KCNA3: variants seen among roughly 807,000 people sequenced by gnomAD.
The protein encoded by KCNA3 is RP11-284N8.3.
In KCNA3, 18 loss-of-function variants were observed where a neutral mutation model predicts 34.3. The ratio of observed to expected loss-of-function variants is 0.52; its 90% CI spans 0.36 to 0.78. The LOEUF (loss-of-function observed/expected upper bound fraction) is 0.78, where lower values mean the gene tolerates loss of function less well. KCNA3 is among the 30% of genes least tolerant of loss of function. The pLI, the probability that KCNA3 is intolerant of heterozygous loss-of-function variation, is 0.00. For missense variants in KCNA3, 587 were observed against 802.5 expected (o/e 0.73, Z 3.24); for synonymous variants, 324 against 351.7 (o/e 0.92, Z 0.88).
chr1:110,674,266 C>T lies in KCNA3; in HGVS notation c.544G>A (p.Glu182Lys), dbSNP rs778776863. ...CCCAGCTGGTAGAAGCGGATCTCCT[C>T]GGAGAAAATGTCGATGGGCACGTTG... ...PVNVPIDIFS[E>K]EIRFYQLGEE... The change falls in exon 1 of 1, where the codon GAG becomes AAG. Residue 182 changes from glutamate to lysine, a missense_variant. Transcript: ENST00000369769. The surrounding 1 kb of genome is among the most constrained non-coding windows in gnomAD (Gnocchi z 6.4). 1 of 1,614,142 alleles carries T rather than the reference C, an allele frequency of 6.2e-7. No homozygotes were observed.
Position 110,674,583 on chromosome 1 carries a change from C to G in KCNA3, c.227G>C (p.Gly76Ala), listed in dbSNP as rs1251190366. The G allele has an allele frequency of 2.0e-5, 31 of 1,573,506 alleles. No homozygotes were observed. Among genetic ancestry groups the G allele is most frequent in the Non-Finnish European group, 2.6e-5 (30 of 1,162,646 alleles). ...GTCGCAGCCGCCGCCGCCACAGCCG[C>G]CTTGAGGCGGGGCCCCTCCACCATC... is the stretch of plus-strand genomic sequence containing the variant. ...VADGGGAPPQGGCGGGGCDRY... is the reference protein window; with the variant it reads ...VADGGGAPPQAGCGGGGCDRY... Residue 76 changes from glycine to alanine, a missense_variant, in exon 1 of 1, where the codon GGC becomes GCC. Physicochemically the swap from Gly to Ala is moderately conservative, Grantham distance 60 (BLOSUM62 0). Transcript: ENST00000369769. This position sits in a 1 kb window ranked among gnomAD's most constrained non-coding sequence, Gnocchi z 6.4.
At chr1:110,664,169 T>C in the KCNA3 span, among the ~76,000 whole-genome samples, 1 of 152,210 alleles carries the variant, frequency 6.6e-6, no homozygotes, top group Non-Finnish European at 1.5e-5. Context: ...TAGATAAGCC[T>C]TTTGTAGATA....
At chr1:110,671,162 G>C (rs2100947970), downstream of KCNA3, among the ~76,000 whole-genome samples, 1 of 152,202 alleles carries the variant, frequency 6.6e-6, no homozygotes, top group African/African-American at 2.4e-5. Context: ...CCTTTTTAAA[G>C]GGAAACAGGT....
chr1:110,674,897 C>A lies in KCNA3; in HGVS notation c.-88G>T. The A allele has an allele frequency of 7.9e-7, 1 of 1,267,768 alleles. No homozygotes were observed. Among genetic ancestry groups the A allele is most frequent in the South Asian group, 3.0e-5 (1 of 33,744 alleles). The allele number at this position is 1,267,768 out of a possible 1,614,324, so 78.5% of individuals were successfully genotyped here. A position where few individuals can be genotyped will look rare whatever the true frequency, so the allele number is the denominator to read the frequency against. On this transcript the variant is annotated 5_prime_UTR_variant, in exon 1 of 1. Coordinates refer to ENST00000369769, the MANE Select transcript of KCNA3 (RefSeq NM_002232.5). This position sits in a 1 kb window ranked among gnomAD's most constrained non-coding sequence, Gnocchi z 6.4. ...CGCCGCCTCCGCCCCCGAGCCGAGC[C>A]CACCGCCTGTTGCAGCCAAAGCCGC...
chr1:110,666,041 A>T, the KCNA3 span, among the ~76,000 whole-genome samples: 1 of 152,182 alleles, frequency 6.6e-6, no homozygotes, highest in Non-Finnish European at 1.5e-5. Flanking sequence ...GAAATTAATC[A>T]TATAACACAA....
Position 110,672,858 on chromosome 1 carries a change from G to C in KCNA3, c.*224C>G. Reference sequence around the variant, plus strand: ...CTGTTGTTTACAATGTTAAGAGAGAGAGGGTAAGAGGGAAAAGGAGAGCTG... The same window carrying C: ...CTGTTGTTTACAATGTTAAGAGAGACAGGGTAAGAGGGAAAAGGAGAGCTG... On this transcript the variant is annotated 3_prime_UTR_variant, in exon 1 of 1. Transcript: ENST00000369769. 1.9e-6 allele frequency: 1 copy of C among 524,890 alleles called. No individual in the cohort carries two copies. Among genetic ancestry groups the C allele is most frequent in the Non-Finnish European group, 3.4e-6 (1 of 297,198 alleles). The allele number at this position is 524,890 out of a possible 1,614,324, so 32.5% of individuals were successfully genotyped here.
At position 110,672,595 on chromosome 1, in the gene KCNA3, C is replaced by T. The variant is rs1272528478; in HGVS notation, c.*487G>A. The T allele has an allele frequency of 6.5e-6, 1 of 154,702 alleles. No individual in the cohort carries two copies. The highest frequency in any genetic ancestry group is 6.4e-5 in the Admixed American group (1 of 15,674). The allele number at this position is 154,702 out of a possible 1,614,324, so 9.6% of individuals were successfully genotyped here. On this transcript the variant is annotated 3_prime_UTR_variant, in exon 1 of 1. Transcript: ENST00000369769. ...TACAAGTCATTATTCTAGTTAGACT[C>T]TTCATCCACATATCTACAGGGTAGG...
downstream of KCNA3, among the ~76,000 whole-genome samples, chr1:110,670,160 C>A (rs1651831630): frequency 6.6e-6 from 1 of 152,122 alleles, no homozygotes; most frequent in Non-Finnish European, 1.5e-5. Context: ...ATGCTTTTAA[C>A]CACTTTATTA....
chr1:110,665,763 A>G, the KCNA3 span, among the ~76,000 whole-genome samples: 1 of 152,230 alleles, frequency 6.6e-6, no homozygotes, highest in South Asian at 2.1e-4. Context: ...GAAAATCCAC[A>G]GTGTGGTATC....
the KCNA3 span, chr1:110,655,042 A>G: frequency 6.6e-6 from 1 of 152,224 alleles, no homozygotes; most frequent in East Asian, 1.9e-4. Context: ...TGTTATTCTG[A>G]CTTCTGCATA....
Position 110,674,882 on chromosome 1 carries a change from G to A in KCNA3, c.-73C>T. ...CGCTCCCCGCCCTTTCGCCGCCTCC[G>A]CCCCCGAGCCGAGCCCACCGCCTGT... On this transcript the variant is annotated 5_prime_UTR_variant, in exon 1 of 1. Coordinates refer to ENST00000369769, the MANE Select transcript of KCNA3 (RefSeq NM_002232.5). The surrounding 1 kb of genome is among the most constrained non-coding windows in gnomAD (Gnocchi z 6.4). The A allele has an allele frequency of 1.6e-6, 2 of 1,270,334 alleles. No individual in the cohort carries two copies. The highest frequency in any genetic ancestry group is 4.2e-5 in the Admixed American group (1 of 23,598). 78.7% of individuals were successfully genotyped at this position (1,270,334 alleles called of 1,614,324 possible). A position where few individuals can be genotyped will look rare whatever the true frequency, so the allele number is the denominator to read the frequency against.
At chr1:110,662,030 G>A in the KCNA3 span, among the ~76,000 whole-genome samples, 8 of 148,298 alleles carry the variant, frequency 5.4e-5, no homozygotes, top group African/African-American at 1.5e-4. Flanking sequence ...GAAGAATTGC[G>A]TGAACCCGGG....
Position 110,673,343 on chromosome 1 carries a change from C to G in KCNA3, c.1467G>C (p.Arg489=). 6.2e-7 allele frequency: 1 copy of G among 1,614,028 alleles called. No homozygotes were observed. The highest frequency in any genetic ancestry group is 1.3e-5 in the African/African-American group (1 of 74,980). The change falls in exon 1 of 1, where the codon CGG becomes CGC. Residue 489 remains arginine (R), a synonymous_variant. Coordinates refer to ENST00000369769, the MANE Select transcript of KCNA3 (RefSeq NM_002232.5). The surrounding 1 kb of genome is among the most constrained non-coding windows in gnomAD (Gnocchi z 8.8). ...IVSNFNYFYH[R]ETEGEEQSQY... The stretch of plus-strand genomic sequence containing the variant: ...GGGATTGCTCTTCCCCTTCTGTCTC[C>G]CGGTGGTAGAAGTAATTGAAGTTGG...
chr1:110,658,081 T>G, the KCNA3 span, among the ~76,000 whole-genome samples: 3 of 152,214 alleles, frequency 2.0e-5, no homozygotes, highest in Non-Finnish European at 4.4e-5. Context: ...AGTCTCAAAA[T>G]TTTGACACAA....
chr1:110,655,407 A>G, the KCNA3 span: 1 of 152,146 alleles, frequency 6.6e-6, no homozygotes, highest in African/African-American at 2.4e-5. Context: ...ACAACTTACC[A>G]GAAGAGATAC....
chr1:110,668,181 T>A (rs1018175033), downstream of KCNA3, among the ~76,000 whole-genome samples: 2 of 152,142 alleles, frequency 1.3e-5, no homozygotes, highest in African/African-American at 4.8e-5. Context: ...ACTGTAAAAA[T>A]GCAGCCCTAA....
At chr1:110,671,015 GATT>G (rs1159601097), downstream of KCNA3, among the ~76,000 whole-genome samples, 1 of 152,146 alleles carries the variant, frequency 6.6e-6, no homozygotes, top group Non-Finnish European at 1.5e-5. Context: ...GAAACAGAAT[GATT>G]ATGTTTAAAT....
chr1:110,654,387 G>A, the KCNA3 span: 1 of 152,080 alleles, frequency 6.6e-6, no homozygotes, highest in African/African-American at 2.4e-5. Flanking sequence ...CTGAAAAATG[G>A]TCACTAGGTT....
the KCNA3 span, among the ~76,000 whole-genome samples, chr1:110,659,741 A>G: frequency 6.6e-6 from 1 of 152,172 alleles, no homozygotes; most frequent in African/African-American, 2.4e-5. Flanking sequence ...TACACCATGG[A>G]ATACTATGCA....
Sources: gnomAD v4.1 joint callset for allele counts (sites outside exome capture counted in the v4.1 genomes callset) on GRCh38, gnomAD v4.1.1 for gene constraint, Gnocchi (gnomAD v3.1) non-coding constraint, MANE v1.5 for transcripts, NCBI Gene and HGNC (gene_info 2026-07-23, HGNC 2026-07-21) for gene names.